The following CREB5 variants were observed in gnomAD, a reference collection of about 807,000 sequenced individuals.
CREB5 encodes cyclic AMP-responsive element-binding protein 5.
A neutral mutation model predicts 57.1 loss-of-function variants in CREB5; 19 were observed. The ratio of observed to expected loss-of-function variants is 0.33; its 90% CI spans 0.23 to 0.49. The LOEUF is 0.49. Ranked by LOEUF, CREB5 falls within the 20% of genes least tolerant of loss-of-function variation. CREB5 has a pLI of 0.99. For missense variants in CREB5, 579 were observed against 671.6 expected, an observed-to-expected ratio of 0.86 and a Z score of 1.52; for synonymous variants, 238 against 238.3, an observed-to-expected ratio of 1.00 and a Z score of 0.01.
intron 5 of CREB5, among the ~76,000 whole-genome samples, chr7:28,591,833 A>G (rs749338566): frequency 1.2e-4 from 19 of 152,158 alleles, no homozygotes; most frequent in Non-Finnish European, 2.5e-4. Flanking sequence ...TATATTAGTA[A>G]TTTCCCAGCA....
chr7:28,366,109 A>T (rs1554307819), intron 1 of CREB5, among the ~76,000 whole-genome samples: 1 of 152,034 alleles, frequency 6.6e-6, no homozygotes, highest in Admixed American at 6.5e-5. Flanking sequence ...TTTTTCCTTA[A>T]ATTTATATTT....
intron 5 of CREB5, among the ~76,000 whole-genome samples, chr7:28,708,118 C>G (rs1802214048): frequency 6.6e-6 from 1 of 152,132 alleles, no homozygotes; most frequent in Admixed American, 6.5e-5. Context: ...GCCTGAAGCT[C>G]TCTGTTAGGA....
At chr7:28,730,197 T>C (rs764209302) in intron 7 of CREB5, among the ~76,000 whole-genome samples, 8 of 152,190 alleles carry the variant, frequency 5.3e-5, no homozygotes, top group Non-Finnish European at 7.3e-5. Flanking sequence ...TTTCTTTTTT[T>C]GTTTTTTGAG....
intron 5 of CREB5, among the ~76,000 whole-genome samples, chr7:28,575,965 C>G (rs1795894775): frequency 6.6e-6 from 1 of 152,162 alleles, no homozygotes; most frequent in South Asian, 2.1e-4. Context: ...TCTTAACATT[C>G]AAAAGTTGTA....
chr7:28,496,439 T>A (rs927936231), intron 3 of CREB5, among the ~76,000 whole-genome samples: 1 of 152,212 alleles, frequency 6.6e-6, no homozygotes. Context: ...ATCACTGTTA[T>A]CAATAATCCT....
chr7:28,369,395 G>C (rs1375309716), intron 1 of CREB5, among the ~76,000 whole-genome samples: 1 of 152,224 alleles, frequency 6.6e-6, no homozygotes, highest in Non-Finnish European at 1.5e-5. Context: ...ATGATCATGG[G>C]TTCTGGAGTC....
Position 28,556,494 on chromosome 7 carries a change from G to A in CREB5, c.292-13871G>A, listed in dbSNP as rs371469041. ...CCCAATCATGATTTTTTAGGTGTGT[G>A]GGTCAATGCAAAGCCAGTTTATTTT... On this transcript the variant is annotated intron_variant, in intron 4 of 10. Transcript: ENST00000357727. Among the ~76,000 whole-genome samples, 9 of 152,176 alleles carry A rather than the reference G, an allele frequency of 5.9e-5. No homozygotes were observed. In the East Asian group the frequency reaches 1.7e-3, roughly 29 times the overall value.
chr7:28,465,614 C>T (rs1224056010), intron 1 of CREB5, among the ~76,000 whole-genome samples: 1 of 152,164 alleles, frequency 6.6e-6, no homozygotes, highest in Non-Finnish European at 1.5e-5. Context: ...AGTGTGACCT[C>T]AGTCATTTTA....
intron 1 of CREB5, among the ~76,000 whole-genome samples, chr7:28,417,198 C>T (rs1306779954): frequency 2.0e-5 from 3 of 152,106 alleles, no homozygotes; most frequent in Admixed American, 6.5e-5. Flanking sequence ...TCATTTTAAA[C>T]GTTTTAGTAG....
Position 28,743,672 on chromosome 7 carries a change from A to AG in CREB5, c.702+19343dup, listed in dbSNP as rs560963617. 2.6e-4 allele frequency among the ~76,000 whole-genome samples: 40 copies of AG among 152,136 alleles called. No homozygotes were observed. The South Asian group carries it at 7.9e-3, about 30-fold the overall frequency. ...CATTTCTCCAGTCTCAAAATTCTGGAGGGTGGAAGTCCAAGATCAAGGTGT... is the reference window on the plus strand; with the variant it reads ...CATTTCTCCAGTCTCAAAATTCTGGAGGGGTGGAAGTCCAAGATCAAGGTGT... On this transcript the variant is annotated intron_variant, in intron 7 of 10. Transcript: ENST00000357727.
intron 5 of CREB5, among the ~76,000 whole-genome samples, chr7:28,653,073 G>T (rs1447164710): frequency 6.6e-6 from 1 of 152,206 alleles, no homozygotes; most frequent in Non-Finnish European, 1.5e-5. Flanking sequence ...AGTTGTGTGT[G>T]ATTCGGCAGA....
At chr7:28,346,258 A>G (rs1786055674) in intron 1 of CREB5, among the ~76,000 whole-genome samples, 1 of 152,226 alleles carries the variant, frequency 6.6e-6, no homozygotes, top group Non-Finnish European at 1.5e-5. Flanking sequence ...TTTATTTCTC[A>G]TAGTTCTGGA....
At chr7:28,638,120 T>G (rs1322253839) in intron 5 of CREB5, among the ~76,000 whole-genome samples, 7 of 152,164 alleles carry the variant, frequency 4.6e-5, no homozygotes, top group Non-Finnish European at 8.8e-5. Context: ...TATCAAATTT[T>G]GGGGCTTGTT....
chr7:28,335,882 G>GT (rs1785813839), intron 1 of CREB5, among the ~76,000 whole-genome samples: 1 of 151,984 alleles, frequency 6.6e-6, no homozygotes, highest in Admixed American at 6.6e-5. Flanking sequence ...TCTATACCCA[G>GT]TTTTTTGAAG....
intron 5 of CREB5, among the ~76,000 whole-genome samples, chr7:28,628,962 CT>C (rs2128691621): frequency 6.6e-6 from 1 of 152,252 alleles, no homozygotes; most frequent in East Asian, 1.9e-4. Context: ...AATGCCCCTT[CT>C]CCCCCACGTC....
intron 7 of CREB5, among the ~76,000 whole-genome samples, chr7:28,731,606 C>T (rs973877349): frequency 1.8e-4 from 28 of 152,190 alleles, no homozygotes; most frequent in African/African-American, 6.5e-4. Flanking sequence ...AGAATTAGAA[C>T]CCAGGTTCCT....
chr7:28,339,914 T>C (rs1785900355), intron 1 of CREB5, among the ~76,000 whole-genome samples: 1 of 152,190 alleles, frequency 6.6e-6, no homozygotes, highest in Non-Finnish European at 1.5e-5. Context: ...CCATGGCCTG[T>C]GCCACCACAG....
intron 4 of CREB5, among the ~76,000 whole-genome samples, chr7:28,533,127 C>G (rs1793797665): frequency 6.6e-6 from 1 of 151,960 alleles, no homozygotes; most frequent in Admixed American, 6.6e-5. Flanking sequence ...TGGTGGTGCA[C>G]ACTGGAAGGC....
chr7:28,322,603 C>T (rs112275071), intron 1 of CREB5, among the ~76,000 whole-genome samples: 2,006 of 151,646 alleles, frequency 0.013, 45 homozygotes, highest in African/African-American at 0.047. Flanking sequence ...CCCAGCCCCC[C>T]ACTCCCCGAC....
Sources: allele counts gnomAD v4.1 joint callset (sites outside exome capture counted in the v4.1 genomes callset), GRCh38; gene constraint gnomAD v4.1.1; transcripts MANE v1.5; gene names NCBI Gene and HGNC (gene_info 2026-07-23, HGNC 2026-07-21).